CADM2: variants seen among roughly 807,000 people sequenced by gnomAD.
The protein encoded by CADM2 is immunoglobulin superfamily member 4D.
A neutral mutation model predicts 49.8 loss-of-function variants in CADM2; 12 were observed. That is an observed-to-expected ratio of 0.24 (90% confidence interval 0.15 to 0.39). The LOEUF (loss-of-function observed/expected upper bound fraction) is 0.39, where lower values mean the gene tolerates loss of function less well. Ranked by LOEUF, CADM2 falls within the 10% of genes least tolerant of loss-of-function variation. CADM2 has a pLI of 1.00. For missense variants in CADM2, 378 were observed against 492.3 expected (o/e 0.77, Z 2.20); for synonymous variants, 214 against 175.4 (o/e 1.22, Z -1.74).
At chr3:85,618,729 A>G (rs1157561460) in intron 1 of CADM2, among the ~76,000 whole-genome samples, 2 of 152,186 alleles carry the variant, frequency 1.3e-5, no homozygotes, top group South Asian at 2.1e-4. Context: ...TATGTTTTGT[A>G]TGTATAATTT....
At chr3:85,048,199 A>G (rs2035741762) in intron 1 of CADM2, among the ~76,000 whole-genome samples, 1 of 152,190 alleles carries the variant, frequency 6.6e-6, no homozygotes, top group Non-Finnish European at 1.5e-5. Flanking sequence ...TGTTATAGAT[A>G]GTAGGAGAGT....
At chr3:85,822,313 G>A (rs942016458) in intron 3 of CADM2, among the ~76,000 whole-genome samples, 4 of 152,142 alleles carry the variant, frequency 2.6e-5, no homozygotes, top group African/African-American at 9.7e-5. Context: ...GCCAGGTGCG[G>A]TGGCTCATGC....
intron 1 of CADM2, among the ~76,000 whole-genome samples, chr3:85,242,525 C>G (rs1456390636): frequency 6.6e-6 from 1 of 151,468 alleles, no homozygotes; most frequent in Non-Finnish European, 1.5e-5. Flanking sequence ...ATCAAATATT[C>G]TAATTTTCAA....
At chr3:85,300,828 G>A (rs2044080098) in intron 1 of CADM2, among the ~76,000 whole-genome samples, 1 of 152,040 alleles carries the variant, frequency 6.6e-6, no homozygotes, top group Non-Finnish European at 1.5e-5. Flanking sequence ...GGAGGGAGAC[G>A]TGCTTCTTGC....
In CADM2 at chr3:85,114,125, G is replaced by T. The variant is rs116634385; in HGVS notation, c.61+154457G>T. ...CAAAGACATTGGAACTGAGCTCTGA[G>T]AAAAATTCTCTCTTTACAGTTCCTC... On this transcript the variant is annotated intron_variant, in intron 1 of 9. Coordinates refer to ENST00000383699, the MANE Select transcript of CADM2 (RefSeq NM_001167675.2). Among the ~76,000 whole-genome samples the T allele has an allele frequency of 2.8e-3, 433 of 152,028 alleles. 3 individuals carry two copies. Among genetic ancestry groups the T allele is most frequent in the African/African-American group, 0.01 (420 of 41,488 alleles).
chr3:85,169,787 TA>T (rs1559700733), intron 1 of CADM2, among the ~76,000 whole-genome samples: 1 of 152,070 alleles, frequency 6.6e-6, no homozygotes, highest in African/African-American at 2.4e-5. Flanking sequence ...ATTTTTAAAA[TA>T]AAAATCACCA....
intron 1 of CADM2, among the ~76,000 whole-genome samples, chr3:85,197,702 G>A (rs2041377994): frequency 6.6e-6 from 1 of 151,982 alleles, no homozygotes; most frequent in Non-Finnish European, 1.5e-5. Flanking sequence ...AATCGCACAA[G>A]TCAGCACAGG....
At chr3:86,012,005 T>A (rs1559799872) in intron 8 of CADM2, among the ~76,000 whole-genome samples, 1 of 152,030 alleles carries the variant, frequency 6.6e-6, no homozygotes, top group Non-Finnish European at 1.5e-5. Flanking sequence ...TTCATTCTAG[T>A]GTTTAATATT....
chr3:85,555,965 A>G (rs1434286008), intron 1 of CADM2, among the ~76,000 whole-genome samples: 1 of 152,148 alleles, frequency 6.6e-6, no homozygotes, highest in Admixed American at 6.5e-5. Flanking sequence ...TCTTGTATAC[A>G]TAACATATAT....
At chr3:85,611,617 G>C (rs557280269) in intron 1 of CADM2, among the ~76,000 whole-genome samples, 2 of 151,892 alleles carry the variant, frequency 1.3e-5, no homozygotes, top group Non-Finnish European at 2.9e-5. Context: ...AATTAATTCT[G>C]TCTGAGAGTG....
At chr3:85,717,603 A>T (rs566748524) in intron 1 of CADM2, among the ~76,000 whole-genome samples, 44 of 152,266 alleles carry the variant, frequency 2.9e-4, no homozygotes, top group African/African-American at 1.0e-3. Flanking sequence ...GCTTTTGCCC[A>T]TTCAGGATGA....
chr3:85,367,175 A>C (rs1411115780), intron 1 of CADM2, among the ~76,000 whole-genome samples: 2 of 152,086 alleles, frequency 1.3e-5, no homozygotes, highest in Non-Finnish European at 2.9e-5. Flanking sequence ...TTTTAGTAGC[A>C]TGTTATTTGA....
At chr3:86,022,404 C>T (rs1733309136) in intron 8 of CADM2, among the ~76,000 whole-genome samples, 1 of 152,026 alleles carries the variant, frequency 6.6e-6, no homozygotes, top group Non-Finnish European at 1.5e-5. Context: ...TGCATTCTAT[C>T]TCTCTCCTTC....
At chr3:85,155,445 C>T (rs1559693374) in intron 1 of CADM2, among the ~76,000 whole-genome samples, 1 of 152,066 alleles carries the variant, frequency 6.6e-6, no homozygotes, top group African/African-American at 2.4e-5. Flanking sequence ...TAAAGCAAGT[C>T]CTGAGTGACC....
At chr3:85,494,631 C>A (rs1017501381) in intron 1 of CADM2, among the ~76,000 whole-genome samples, 2 of 152,052 alleles carry the variant, frequency 1.3e-5, no homozygotes, top group Admixed American at 6.6e-5. Flanking sequence ...GGCTGTATTA[C>A]ATAGACAAGA....
At chr3:85,795,706 A>G (rs1424989143) in intron 2 of CADM2, among the ~76,000 whole-genome samples, 2 of 152,236 alleles carry the variant, frequency 1.3e-5, no homozygotes, top group Non-Finnish European at 2.9e-5. Context: ...TAAGATATTT[A>G]GGGACAGTTA....
intron 1 of CADM2, among the ~76,000 whole-genome samples, chr3:85,384,674 T>C (rs2034115480): frequency 1.6e-5 from 2 of 128,188 alleles, no homozygotes; most frequent in South Asian, 5.7e-4. Context: ...AAAAAAAATG[T>C]GTGTGTGTGT....
At chr3:85,811,814 A>T (rs1262035942) in intron 3 of CADM2, among the ~76,000 whole-genome samples, 4 of 151,984 alleles carry the variant, frequency 2.6e-5, no homozygotes, top group African/African-American at 9.7e-5. Context: ...ACAAAGGAAT[A>T]AACAATGCAA....
intron 1 of CADM2, among the ~76,000 whole-genome samples, chr3:85,722,238 T>C (rs1015312973): frequency 6.6e-6 from 1 of 151,290 alleles, no homozygotes; most frequent in Admixed American, 6.6e-5. Flanking sequence ...TGTCTGCTAC[T>C]CTTAGCAGAG....
Sources: gnomAD v4.1 joint callset for allele counts (sites outside exome capture counted in the v4.1 genomes callset) on GRCh38, gnomAD v4.1.1 for gene constraint, MANE v1.5 for transcripts, NCBI Gene and HGNC (gene_info 2026-07-23, HGNC 2026-07-21) for gene names.